C6orf89: variants seen among roughly 807,000 people sequenced by gnomAD.
The protein encoded by C6orf89 is bombesin receptor-activated protein C6orf89.
In C6orf89, 29 loss-of-function variants were observed where a neutral mutation model predicts 40.7. The ratio of observed to expected loss-of-function variants is 0.71; its 90% CI spans 0.53 to 0.97. The LOEUF is 0.97. C6orf89 is among the 50% of genes least tolerant of loss of function. The pLI is 0.00. For synonymous variants in C6orf89, 165 were observed against 152.2 expected, an observed-to-expected ratio of 1.08 and a Z score of -0.62; for missense variants, 392 against 429.1, an observed-to-expected ratio of 0.91 and a Z score of 0.76.
chr6:36,923,457 A>G lies in C6orf89; in HGVS notation c.*16A>G. 6.3e-7 allele frequency: 1 copy of G among 1,596,024 alleles called. No individual in the cohort carries two copies. Among genetic ancestry groups the G allele is most frequent in the Non-Finnish European group, 8.6e-7 (1 of 1,163,458 alleles). Reference sequence around the variant, plus strand: ...AGAACTGTAGGAAATAGAACTGTGCACAGGAACAGCTTCCAGAGCCGAAAA... The same window carrying G: ...AGAACTGTAGGAAATAGAACTGTGCGCAGGAACAGCTTCCAGAGCCGAAAA... On this transcript the variant is annotated 3_prime_UTR_variant, in exon 9 of 9. Transcript: ENST00000480824.
chr6:36,897,804 G>A (rs1375995499), intron 2 of C6orf89, among the ~76,000 whole-genome samples: 1 of 152,186 alleles, frequency 6.6e-6, no homozygotes, highest in East Asian at 1.9e-4. Flanking sequence ...GGGTTGTGTT[G>A]TAACAACATG....
At position 36,911,354 on chromosome 6, in the gene C6orf89, G is replaced by A. The variant is rs188787662; in HGVS notation, c.404-2930G>A. The stretch of plus-strand genomic sequence containing the variant: ...AAAATACAAAAATGAGCCAGGCTTC[G>A]TGGCGGGCACCTGTAATCCCAGCTA... On this transcript the variant is annotated intron_variant, in intron 4 of 8. Transcript: ENST00000480824. Among the ~76,000 whole-genome samples the A allele has an allele frequency of 8.1e-3, 1,233 of 152,188 alleles. 6 individuals are homozygous for A. Among genetic ancestry groups the A allele is most frequent in the Non-Finnish European group, 0.013 (900 of 68,002 alleles).
chr6:36,909,705 C>G (rs1038746762), intron 4 of C6orf89, among the ~76,000 whole-genome samples: 18 of 151,142 alleles, frequency 1.2e-4, no homozygotes, highest in Non-Finnish European at 1.0e-4. Context: ...TCACCTGAGC[C>G]CGGGGAGGTC....
At chr6:36,901,676 AT>A (rs200805293) in intron 3 of C6orf89, among the ~76,000 whole-genome samples, 14 of 128,720 alleles carry the variant, frequency 1.1e-4, no homozygotes, top group East Asian at 8.9e-4. Context: ...ATTTATTTTT[AT>A]TTTTTTTTTG....
chr6:36,909,334 A>G (rs1474243911), intron 4 of C6orf89, among the ~76,000 whole-genome samples: 3 of 152,148 alleles, frequency 2.0e-5, no homozygotes, highest in African/African-American at 7.2e-5. Flanking sequence ...AATAAATGCA[A>G]CCAAATTGTC....
chr6:36,920,861 TA>T (rs756522944), intron 8 of C6orf89, among the ~76,000 whole-genome samples: 12 of 152,324 alleles, frequency 7.9e-5, no homozygotes, highest in Non-Finnish European at 1.0e-4. Context: ...GTTTCTGTTT[TA>T]TATTTTACAA....
At chr6:36,881,980 C>T (rs538161852), upstream of C6orf89, among the ~76,000 whole-genome samples, 146 of 152,052 alleles carry the variant, frequency 9.6e-4, no homozygotes, top group African/African-American at 3.5e-3. Context: ...AAATTTGGTT[C>T]CCTCTTTTAG....
At chr6:36,903,340 A>C (rs1761794513) in intron 4 of C6orf89, among the ~76,000 whole-genome samples, 1 of 152,192 alleles carries the variant, frequency 6.6e-6, no homozygotes, top group Non-Finnish European at 1.5e-5. Context: ...TATGTGTATT[A>C]ATATCACAAA....
intron 3 of C6orf89, among the ~76,000 whole-genome samples, chr6:36,899,888 T>TTG (rs1226613436): frequency 7.9e-5 from 12 of 152,126 alleles, no homozygotes; most frequent in Non-Finnish European, 1.2e-4. Context: ...TGTTTGTTTG[T>TTG]TGTGTGTGTG....
intron 4 of C6orf89, among the ~76,000 whole-genome samples, chr6:36,906,766 G>A (rs768473839): frequency 1.2e-4 from 19 of 152,234 alleles, no homozygotes; most frequent in Admixed American, 2.0e-4. Flanking sequence ...CCTCATGCCC[G>A]GGGTACTAGA....
At chr6:36,878,260 C>T (rs937477653) in intron 1 of C6orf89, among the ~76,000 whole-genome samples, 3 of 152,210 alleles carry the variant, frequency 2.0e-5, no homozygotes, top group African/African-American at 7.2e-5. Context: ...TCTCTCTATT[C>T]TGTTTCATTG....
At chr6:36,888,232 A>G (rs1775067270) in intron 1 of C6orf89, among the ~76,000 whole-genome samples, 1 of 152,246 alleles carries the variant, frequency 6.6e-6, no homozygotes, top group Non-Finnish European at 1.5e-5. Flanking sequence ...ATTTGCATCC[A>G]GCTTTTTCCA....
At chr6:36,889,582 C>CAAAAAAA (rs58417436) in intron 1 of C6orf89, among the ~76,000 whole-genome samples, 16,376 of 139,902 alleles carry the variant, frequency 0.12, 985 homozygotes, top group East Asian at 0.28. Flanking sequence ...AAAACAAAAA[C>CAAAAAAA]AAAAAAAAAA....
chr6:36,912,515 A>C (rs7743646), intron 4 of C6orf89, among the ~76,000 whole-genome samples: 39,343 of 152,066 alleles, frequency 0.26, 5,472 homozygotes, highest in African/African-American at 0.35. Context: ...CATATTTGAC[A>C]CTGAATAAGA....
intron 2 of C6orf89, among the ~76,000 whole-genome samples, chr6:36,879,712 T>C (rs112040987): frequency 6.6e-5 from 10 of 152,104 alleles, no homozygotes; most frequent in African/African-American, 2.4e-4. Context: ...CGCTGGTCAA[T>C]AACAAACTTT....
At chr6:36,917,264 C>G (rs973085974) in intron 7 of C6orf89, among the ~76,000 whole-genome samples, 1 of 152,034 alleles carries the variant, frequency 6.6e-6, no homozygotes, top group African/African-American at 2.4e-5. Context: ...AGTGTGGGAG[C>G]CTGGGAAGGA....
At chr6:36,914,718 A>C in intron 6 of C6orf89, 25 bp downstream of exon 6, 2 of 1,608,410 alleles carry the variant, frequency 1.2e-6, no homozygotes, top group Non-Finnish European at 1.7e-6. Context: ...GGCCGGGCAC[A>C]GTGGCTCATG....
At position 36,899,566 on chromosome 6, in the gene C6orf89, A is replaced by G. The variant is rs1367935859; in HGVS notation, c.122A>G (p.Gln41Arg). The stretch of plus-strand genomic sequence containing the variant: ...AAGGCAATTGAAAAATTTATCAGAC[A>G]GCTGCTGGAAAAGAATGAACCTCAG... ...SEKAIEKFIR[Q>R]LLEKNEPQRP... Residue 41 changes from glutamine (Q) to arginine (R), a missense_variant, in exon 3 of 9, where the codon CAG becomes CGG. By Grantham distance (43) the Gln-to-Arg change is conservative. Coordinates refer to ENST00000480824, the MANE Select transcript of C6orf89 (RefSeq NM_001286635.2). 1 of 1,614,024 alleles carries G rather than the reference A, an allele frequency of 6.2e-7. No homozygotes were observed. Among genetic ancestry groups the G allele is most frequent in the African/African-American group, 1.3e-5 (1 of 74,914 alleles).
intron 4 of C6orf89, among the ~76,000 whole-genome samples, chr6:36,908,229 A>T (rs1347829793): frequency 1.3e-5 from 2 of 152,026 alleles, no homozygotes; most frequent in East Asian, 3.9e-4. Context: ...CATTCCAGTG[A>T]TCCTTTTTTC....
Sources: gnomAD v4.1 joint callset for allele counts (sites outside exome capture counted in the v4.1 genomes callset) on GRCh38, gnomAD v4.1.1 for gene constraint, MANE v1.5 for transcripts, NCBI Gene and HGNC (gene_info 2026-07-23, HGNC 2026-07-21) for gene names.